The following SPAG9 variants were observed in gnomAD, a reference collection of about 807,000 sequenced individuals.
SPAG9 encodes C-Jun-amino-terminal kinase-interacting protein 4.
A neutral mutation model predicts 166.5 loss-of-function variants in SPAG9; 35 were observed. The ratio of observed to expected loss-of-function variants is 0.21; its 90% CI spans 0.16 to 0.28. The LOEUF (loss-of-function observed/expected upper bound fraction) is 0.28, where lower values mean the gene tolerates loss of function less well. Ranked by LOEUF, SPAG9 falls within the 10% of genes least tolerant of loss-of-function variation. The pLI is 1.00. For synonymous variants in SPAG9, 534 were observed against 565.5 expected, an observed-to-expected ratio of 0.94 and a Z score of 0.79; for missense variants, 1,235 against 1,603.3, an observed-to-expected ratio of 0.77 and a Z score of 3.92.
intron 5 of SPAG9, among the ~76,000 whole-genome samples, chr17:51,038,431 G>A (rs2046705060): frequency 6.6e-6 from 1 of 152,168 alleles, no homozygotes; most frequent in South Asian, 2.1e-4. Context: ...ACTGAAGGAA[G>A]TATTTCAAGA....
rs1309003745 is a variant in SPAG9 at position 51,120,155 on chromosome 17, C to T, written c.303+199G>A. ...CATCTCGCTCCCTTCCCAGGACACT[C>T]AGTAGCCGGCCTCGGCTTCCAACGC... On this transcript the variant is annotated intron_variant, in intron 1 of 29. Coordinates refer to ENST00000262013, the MANE Select transcript of SPAG9 (RefSeq NM_001130528.3). The surrounding 1 kb of genome is among the most constrained non-coding windows in gnomAD (Gnocchi z 4.7). 6.6e-6 allele frequency among the ~76,000 whole-genome samples: 1 copy of T among 152,246 alleles called. No homozygotes were observed. The highest frequency in any genetic ancestry group is 2.4e-5 in the African/African-American group (1 of 41,474).
intron 5 of SPAG9, among the ~76,000 whole-genome samples, chr17:51,036,179 T>C (rs2046577108): frequency 6.6e-6 from 1 of 152,192 alleles, no homozygotes; most frequent in African/African-American, 2.4e-5. Flanking sequence ...TCTCCCATTC[T>C]ATACTTTTCC....
rs1179792305 is a variant in SPAG9 at position 51,037,691 on chromosome 17, T to TATATATATATATATATATATA, written c.741+3809_741+3810insTATATATATATATATATATAT. Among the ~76,000 whole-genome samples the TATATATATATATATATATATA allele has an allele frequency of 2.2e-3, 197 of 90,290 alleles. 2 individuals carry two copies. Among genetic ancestry groups the TATATATATATATATATATATA allele is most frequent in the Non-Finnish European group, 3.7e-3 (150 of 40,274 alleles). 59.2% of individuals were successfully genotyped at this position (90,290 alleles called of 152,430 possible). A position where few individuals can be genotyped will look rare whatever the true frequency, so the allele number is the denominator to read the frequency against. Reference sequence around the variant, plus strand: ...TATATATATATATATATATAGTGTGTGTGTGTGTGTGTGTGTGTGTGTGTG... The same window carrying TATATATATATATATATATATA: ...TATATATATATATATATATAGTGTGTATATATATATATATATATATAGTGTGTGTGTGTGTGTGTGTGTGTG... On this transcript the variant is annotated intron_variant, in intron 5 of 29. Coordinates refer to ENST00000262013, the MANE Select transcript of SPAG9 (RefSeq NM_001130528.3).
At chr17:50,971,772 T>C (rs1168678764) in intron 28 of SPAG9, among the ~76,000 whole-genome samples, 1 of 151,350 alleles carries the variant, frequency 6.6e-6, no homozygotes, top group Non-Finnish European at 1.5e-5. Flanking sequence ...AATTACTTTA[T>C]TTATTTATTT....
At chr17:51,092,910 C>A (rs1396080246) in intron 1 of SPAG9, among the ~76,000 whole-genome samples, 2 of 151,914 alleles carry the variant, frequency 1.3e-5, no homozygotes, top group South Asian at 2.1e-4. Context: ...TGCACGCCTG[C>A]CTGGGCTACA....
chr17:51,043,302 CA>C (rs1254488120), intron 4 of SPAG9, among the ~76,000 whole-genome samples: 2 of 152,108 alleles, frequency 1.3e-5, no homozygotes, highest in Non-Finnish European at 2.9e-5. Flanking sequence ...CAGTTATTCC[CA>C]AATGCTGTTC....
intron 27 of SPAG9, chr17:50,975,854 T>C: frequency 6.5e-7 from 1 of 1,534,680 alleles, no homozygotes; most frequent in South Asian, 1.2e-5. Flanking sequence ...GTTCAGAATC[T>C]GCACTTACCC....
chr17:50,972,815 T>A (rs1351162460), intron 28 of SPAG9, among the ~76,000 whole-genome samples: 1 of 152,246 alleles, frequency 6.6e-6, no homozygotes, highest in East Asian at 1.9e-4. Flanking sequence ...GTAGACGAGT[T>A]AGTTCTGCCA....
chr17:51,007,041 A>G (rs1282726292), intron 10 of SPAG9, among the ~76,000 whole-genome samples: 2 of 152,228 alleles, frequency 1.3e-5, no homozygotes, highest in East Asian at 3.9e-4. Context: ...GGAGATGACA[A>G]TCTGTGTTTC....
Position 51,001,779 on chromosome 17 carries a change from G to T in SPAG9, c.1543C>A (p.Arg515=), listed in dbSNP as rs763141267. The T allele has an allele frequency of 6.2e-7, 1 of 1,613,340 alleles. No individual in the cohort carries two copies. Among genetic ancestry groups the T allele is most frequent in the Admixed American group, 1.7e-5 (1 of 59,966 alleles). The change falls in exon 13 of 30, where the codon CGA becomes AGA. Residue 515 remains arginine (R), a synonymous_variant. Coordinates refer to ENST00000262013, the MANE Select transcript of SPAG9 (RefSeq NM_001130528.3). The part of the protein sequence containing the change: ...RVEMARVLME[R]NQYKERLMEL... ...ATCAATCTCTCTTTATACTGGTTTCGCTCCATGAGAACACGGGCCATTTCT... is the reference window on the plus strand; with the variant it reads ...ATCAATCTCTCTTTATACTGGTTTCTCTCCATGAGAACACGGGCCATTTCT...
chr17:51,014,184 A>G, intron 9 of SPAG9, 48 bp downstream of exon 9: 1 of 1,534,510 alleles, frequency 6.5e-7, no homozygotes, highest in Non-Finnish European at 8.8e-7. Flanking sequence ...TCATTTAAAA[A>G]ATCAATTTTA....
At chr17:51,060,942 G>T (rs2047496655) in intron 2 of SPAG9, among the ~76,000 whole-genome samples, 1 of 151,098 alleles carries the variant, frequency 6.6e-6, no homozygotes, top group African/African-American at 2.4e-5. Flanking sequence ...CACCTCCCTG[G>T]TTGAAGCGAT....
At chr17:51,076,997 G>GCTAGCTAGCTAT (rs1568065202) in intron 2 of SPAG9, among the ~76,000 whole-genome samples, 3 of 97,026 alleles carry the variant, frequency 3.1e-5, no homozygotes, top group Admixed American at 1.0e-4. Context: ...TAGCTATCTA[G>GCTAGCTAGCTAT]CTATCTAGCT....
chr17:51,083,073 T>C (rs1200459409), intron 1 of SPAG9, among the ~76,000 whole-genome samples: 2 of 152,022 alleles, frequency 1.3e-5, no homozygotes, highest in Non-Finnish European at 2.9e-5. Context: ...AAAGCCAATA[T>C]AGAGAAAAAG....
intron 2 of SPAG9, among the ~76,000 whole-genome samples, chr17:51,068,405 C>T (rs2047731749): frequency 6.6e-6 from 1 of 152,148 alleles, no homozygotes; most frequent in South Asian, 2.1e-4. Flanking sequence ...ATCATATTCT[C>T]AAAACAGAGT....
intron 2 of SPAG9, among the ~76,000 whole-genome samples, chr17:51,074,195 C>T (rs1026375732): frequency 1.3e-5 from 2 of 152,060 alleles, no homozygotes; most frequent in Non-Finnish European, 2.9e-5. Flanking sequence ...GAGATCACAC[C>T]ACTGCAGTCC....
chr17:51,112,178 T>G (rs2049132006), intron 1 of SPAG9, among the ~76,000 whole-genome samples: 1 of 152,000 alleles, frequency 6.6e-6, no homozygotes, highest in Non-Finnish European at 1.5e-5. Context: ...AGTGTCTGAA[T>G]GACTAGGTGC....
intron 3 of SPAG9, 44 bp downstream of exon 3, chr17:51,056,368 T>C (rs528242636): frequency 6.4e-6 from 7 of 1,099,338 alleles, no homozygotes; most frequent in African/African-American, 4.7e-5. Flanking sequence ...GGTTCATTTC[T>C]TTGTCTCAAT....
At chr17:51,081,429 C>T (rs1348994373) in intron 1 of SPAG9, among the ~76,000 whole-genome samples, 2 of 151,720 alleles carry the variant, frequency 1.3e-5, no homozygotes, top group African/African-American at 2.4e-5. Context: ...CCAGCCTGGG[C>T]GACAGAACAA....
Sources: allele counts gnomAD v4.1 joint callset (sites outside exome capture counted in the v4.1 genomes callset), GRCh38; gene constraint gnomAD v4.1.1; non-coding constraint Gnocchi (gnomAD v3.1); transcripts MANE v1.5; gene names NCBI Gene and HGNC (gene_info 2026-07-23, HGNC 2026-07-21).